Variants in NTM observed in about 807,000 individuals in gnomAD.
NTM encodes the protein IgLON family member 2.
A neutral mutation model predicts 42.1 loss-of-function variants in NTM; 13 were observed. That is an observed-to-expected ratio of 0.31 (90% CI 0.20 to 0.49). The LOEUF (loss-of-function observed/expected upper bound fraction) is 0.49, where lower values mean the gene tolerates loss of function less well. Ranked by LOEUF, NTM falls within the 20% of genes least tolerant of loss-of-function variation. The pLI is 0.99. For missense variants in NTM, 373 were observed against 452.8 expected, an observed-to-expected ratio of 0.82 and a Z score of 1.60; for synonymous variants, 187 against 179.2, an observed-to-expected ratio of 1.04 and a Z score of -0.35.
intron 2 of NTM, among the ~76,000 whole-genome samples, chr11:132,036,072 A>G (rs1439936802): frequency 6.6e-6 from 1 of 152,090 alleles, no homozygotes; most frequent in Non-Finnish European, 1.5e-5. Flanking sequence ...TTTGTTCCTG[A>G]TGGACACCAG....
chr11:132,131,993 T>C (rs543700430), intron 2 of NTM, among the ~76,000 whole-genome samples: 9 of 152,290 alleles, frequency 5.9e-5, no homozygotes, highest in Admixed American at 3.3e-4. Flanking sequence ...GACCAGTTAA[T>C]AGAGAGCATC....
intron 4 of NTM, among the ~76,000 whole-genome samples, chr11:132,217,714 T>C (rs1033785593): frequency 2.0e-5 from 3 of 151,844 alleles, no homozygotes; most frequent in Non-Finnish European, 2.9e-5. Context: ...CCACCTCAGT[T>C]CTCCTTTTCT....
At chr11:131,807,648 G>A (rs1162893574) in intron 1 of NTM, among the ~76,000 whole-genome samples, 1 of 152,184 alleles carries the variant, frequency 6.6e-6, no homozygotes, top group African/African-American at 2.4e-5. Flanking sequence ...AAGTGTTCAT[G>A]GTGGTTGTTG....
chr11:131,658,990 T>A (rs931022922), intron 1 of NTM, among the ~76,000 whole-genome samples: 1 of 151,998 alleles, frequency 6.6e-6, no homozygotes, highest in Admixed American at 6.6e-5. Context: ...CAAATAGATG[T>A]AAGCACTGAG....
chr11:131,557,600 TA>T (rs747896549), intron 1 of NTM, among the ~76,000 whole-genome samples: 28 of 152,206 alleles, frequency 1.8e-4, no homozygotes, highest in Non-Finnish European at 4.4e-5. Flanking sequence ...ATTTTTAAAT[TA>T]ATATGACTAT....
chr11:131,950,172 G>A (rs140096272), intron 2 of NTM, among the ~76,000 whole-genome samples: 1 of 152,148 alleles, frequency 6.6e-6, no homozygotes, highest in Non-Finnish European at 1.5e-5. Context: ...TGCCTGGGTT[G>A]CCCTAGAGGC....
At chr11:131,997,288 G>T (rs528628320) in intron 2 of NTM, among the ~76,000 whole-genome samples, 2 of 152,302 alleles carry the variant, frequency 1.3e-5, no homozygotes, top group South Asian at 4.1e-4. Context: ...CCCTCAGTGT[G>T]CTTCTGCTAG....
At chr11:131,687,792 G>T (rs543172306) in intron 1 of NTM, among the ~76,000 whole-genome samples, 1 of 152,044 alleles carries the variant, frequency 6.6e-6, no homozygotes, top group South Asian at 2.1e-4. Flanking sequence ...CGGAAGGGCT[G>T]TGAAGTCCCG....
intron 1 of NTM, among the ~76,000 whole-genome samples, chr11:131,624,392 G>A (rs1661632057): frequency 6.6e-6 from 1 of 152,148 alleles, no homozygotes; most frequent in Admixed American, 6.5e-5. Context: ...AACGGGCACA[G>A]CACTATCTAC....
intron 4 of NTM, among the ~76,000 whole-genome samples, chr11:132,268,868 G>A (rs553982682): frequency 9.9e-5 from 15 of 152,148 alleles, no homozygotes; most frequent in African/African-American, 3.4e-4. Context: ...AGTCTCAGTG[G>A]GCAGCCTGGG....
At chr11:132,120,957 C>G (rs949594475) in intron 2 of NTM, among the ~76,000 whole-genome samples, 2 of 152,060 alleles carry the variant, frequency 1.3e-5, no homozygotes, top group Non-Finnish European at 2.9e-5. Flanking sequence ...CACGTACACT[C>G]GTGATTTTTC....
At chr11:132,315,001 AATGTTC>A (rs1177298810) in intron 7 of NTM, 1 of 1,158,634 alleles carries the variant, frequency 8.6e-7, no homozygotes, top group Non-Finnish European at 1.1e-6. Context: ...AATGAAAAAG[AATGTTC>A]ATGTTTCATT....
At chr11:131,638,314 C>A (rs959857484) in intron 1 of NTM, among the ~76,000 whole-genome samples, 2 of 152,020 alleles carry the variant, frequency 1.3e-5, no homozygotes, top group Non-Finnish European at 2.9e-5. Flanking sequence ...TGTCTGTAAT[C>A]CCAGCACTTT....
chr11:131,947,295 TGG>T (rs2060449412), intron 2 of NTM, among the ~76,000 whole-genome samples: 1 of 152,184 alleles, frequency 6.6e-6, no homozygotes, highest in Non-Finnish European at 1.5e-5. Context: ...ATTGAGGGAC[TGG>T]GTTTATCTTC....
intron 1 of NTM, among the ~76,000 whole-genome samples, chr11:131,868,214 C>A (rs1238996522): frequency 1.3e-5 from 2 of 152,196 alleles, no homozygotes; most frequent in Non-Finnish European, 2.9e-5. Context: ...AAAAAAGGAG[C>A]TGAATTCTCT....
rs184789662 is a variant in NTM, at chr11:132,116,823, A to C, written c.168-29459A>C. ...TGGCTCAGCCCCTTTCCGTGATGCTATCCTCATTTGCAGACTTGAAAACTA... is the reference window on the plus strand; with the variant it reads ...TGGCTCAGCCCCTTTCCGTGATGCTCTCCTCATTTGCAGACTTGAAAACTA... On this transcript the variant is annotated intron_variant, in intron 2 of 8. Coordinates refer to ENST00000683400, the MANE Select transcript of NTM (RefSeq NM_001352005.2). Among the ~76,000 whole-genome samples, 4 of 152,334 alleles carry C rather than the reference A, an allele frequency of 2.6e-5. No individual in the cohort carries two copies. In the East Asian group the frequency reaches 7.7e-4, roughly 29 times the overall value.
rs79319653 is a variant in NTM, at chr11:131,445,526, G to A, written c.82+74638G>A. Among the ~76,000 whole-genome samples the A allele has an allele frequency of 3.4e-4, 52 of 152,322 alleles. No homozygotes were observed. The East Asian group carries it at 0.01, about 29-fold the overall frequency. On this transcript the variant is annotated intron_variant, in intron 1 of 8. Transcript: ENST00000683400. ...ATACCAGAGATAGGGCTGTGACCTTGTGGGGTGTGACAGATGAGCTAACCA... is the reference window on the plus strand; with the variant it reads ...ATACCAGAGATAGGGCTGTGACCTTATGGGGTGTGACAGATGAGCTAACCA...
rs1215649999 is a variant in NTM, at chr11:132,084,480, A to G, written c.168-61802A>G. Among the ~76,000 whole-genome samples the G allele has an allele frequency of 3.3e-5, 5 of 152,296 alleles. 1 individual carries two copies. The highest frequency in any genetic ancestry group is 1.2e-4 in the African/African-American group (5 of 41,570). ...TGTCAGATAATCCTGTTCATCTCTC[A>G]TCTGGATGCCTCAGGGACCCTCCAT... On this transcript the variant is annotated intron_variant, in intron 2 of 8. Transcript: ENST00000683400.
chr11:131,830,559 G>A (rs1470499873), intron 1 of NTM, among the ~76,000 whole-genome samples: 1 of 140,318 alleles, frequency 7.1e-6, no homozygotes, highest in East Asian at 2.3e-4. Context: ...ATGCTGTTTG[G>A]GTTACTGTAG....
Sources: allele counts gnomAD v4.1 joint callset (sites outside exome capture counted in the v4.1 genomes callset), GRCh38; gene constraint gnomAD v4.1.1; transcripts MANE v1.5; gene names NCBI Gene and HGNC (gene_info 2026-07-23, HGNC 2026-07-21).